The following GPHN variants were observed in gnomAD, a reference collection of about 807,000 sequenced individuals.
GPHN encodes the protein gephyrin.
A neutral mutation model predicts 95.5 loss-of-function variants in GPHN; 17 were observed. The observed-to-expected ratio is 0.18, with a 90% CI of 0.12 to 0.27. The LOEUF is 0.27. GPHN is among the 10% of genes least tolerant of loss of function. GPHN has a pLI of 1.00. For synonymous variants in GPHN, 320 were observed against 322.5 expected, an observed-to-expected ratio of 0.99 and a Z score of 0.08; for missense variants, 660 against 978.1, an observed-to-expected ratio of 0.67 and a Z score of 4.34.
the GPHN span, among the ~76,000 whole-genome samples, chr14:67,230,404 AC>A: frequency 2.0e-5 from 3 of 152,026 alleles, no homozygotes; most frequent in Admixed American, 1.3e-4. Context: ...ACAAAGTGAT[AC>A]CCTGTCTCCA....
At chr14:66,587,574 T>C (rs1032901737) in intron 1 of GPHN, among the ~76,000 whole-genome samples, 5 of 152,166 alleles carry the variant, frequency 3.3e-5, no homozygotes, top group Admixed American at 1.3e-4. Context: ...GTTCAACTTA[T>C]GCAAATCAGT....
chr14:67,439,547 TTCTTTC>T, the GPHN span, among the ~76,000 whole-genome samples: 5 of 60,254 alleles, frequency 8.3e-5, no homozygotes, highest in African/African-American at 4.9e-4. Flanking sequence ...CTTTCTTTCT[TTCTTTC>T]TTTCTTTCTT....
intron 10 of GPHN, among the ~76,000 whole-genome samples, chr14:67,047,334 T>TGTG (rs2075075353): frequency 7.3e-5 from 8 of 109,702 alleles, no homozygotes; most frequent in African/African-American, 3.0e-4. Context: ...GTGTGTGTGT[T>TGTG]TGTGTGTGTG....
rs190611597 is a variant in GPHN at position 66,897,167 on chromosome 14, T to C, written c.389+17134T>C. The stretch of plus-strand genomic sequence containing the variant: ...CCAGTGGTAACATCTTACAAAACTA[T>C]AGTACAAAATTACAGTTGGATGTTG... On this transcript the variant is annotated intron_variant, in intron 5 of 22. Coordinates refer to ENST00000478722, the MANE Select transcript of GPHN (RefSeq NM_020806.5). Among the ~76,000 whole-genome samples the C allele has an allele frequency of 1.5e-3, 232 of 152,276 alleles. 6 individuals carry two copies. Among genetic ancestry groups the C allele is most frequent in the East Asian group, 9.6e-4 (5 of 5,186 alleles).
At chr14:67,473,740 G>A in the GPHN span, 1 of 1,612,778 alleles carries the variant, frequency 6.2e-7, no homozygotes, top group Non-Finnish European at 8.5e-7. This position sits in a 1 kb window ranked among gnomAD's most constrained non-coding sequence, Gnocchi z 6.5. Context: ...AGGTACATGC[G>A]CTCCACGATG....
chr14:67,054,459 A>G (rs187775434), intron 10 of GPHN, among the ~76,000 whole-genome samples: 2 of 152,332 alleles, frequency 1.3e-5, no homozygotes, highest in African/African-American at 4.8e-5. Context: ...GAGCACACAA[A>G]CAAATGGAAA....
chr14:67,108,037 T>A (rs2078147284), intron 13 of GPHN, among the ~76,000 whole-genome samples: 1 of 152,084 alleles, frequency 6.6e-6, no homozygotes, highest in Non-Finnish European at 1.5e-5. Context: ...AAAAGGATGA[T>A]TAAAGAAGAT....
intron 1 of GPHN, among the ~76,000 whole-genome samples, chr14:66,595,805 G>T (rs945437990): frequency 2.0e-5 from 3 of 152,092 alleles, no homozygotes; most frequent in African/African-American, 7.2e-5. Flanking sequence ...CTTGTCACCT[G>T]CAACGTGGCA....
At chr14:67,070,918 C>G (rs2153657069) in intron 11 of GPHN, among the ~76,000 whole-genome samples, 1 of 151,762 alleles carries the variant, frequency 6.6e-6, no homozygotes, top group East Asian at 1.9e-4. Context: ...AAATGCAAAT[C>G]AAAACTACAA....
At chr14:66,858,328 A>G (rs1391739593) in intron 4 of GPHN, among the ~76,000 whole-genome samples, 2 of 151,890 alleles carry the variant, frequency 1.3e-5, no homozygotes, top group Admixed American at 6.6e-5. Context: ...AAACCAGCTC[A>G]GCCACAGTAG....
the GPHN span, chr14:67,578,125 C>T: frequency 8.1e-6 from 13 of 1,613,918 alleles, no homozygotes; most frequent in South Asian, 1.3e-4. This position sits in a 1 kb window ranked among gnomAD's most constrained non-coding sequence, Gnocchi z 5.0. Flanking sequence ...TCACCCCGAG[C>T]TGCAGAGTGA....
Position 66,796,379 on chromosome 14 carries a change from G to A in GPHN, c.201+19858G>A, listed in dbSNP as rs1442558363. Among the ~76,000 whole-genome samples, 7 of 151,766 alleles carry A rather than the reference G, an allele frequency of 4.6e-5. No individual in the cohort carries two copies. In the East Asian group the frequency reaches 9.6e-4, roughly 21 times the overall value. ...AATGCTACAACTAATGCTGCAGTAG[G>A]ATTTCTGGAACATATGCCAGCTTAA... is the stretch of plus-strand genomic sequence containing the variant. On this transcript the variant is annotated intron_variant, in intron 3 of 22. Transcript: ENST00000478722.
chr14:66,856,428 C>T (rs186819666), intron 4 of GPHN, among the ~76,000 whole-genome samples: 44 of 152,132 alleles, frequency 2.9e-4, no homozygotes, highest in African/African-American at 9.4e-4. Context: ...CTTGATTCCC[C>T]ATATCTGTCA....
intron 4 of GPHN, among the ~76,000 whole-genome samples, chr14:66,874,888 A>C (rs1249412347): frequency 6.6e-6 from 1 of 152,142 alleles, no homozygotes; most frequent in Non-Finnish European, 1.5e-5. Context: ...CCAGCATTCA[A>C]ATTCAGGAAA....
At chr14:67,274,307 T>C in the GPHN span, among the ~76,000 whole-genome samples, 1 of 152,222 alleles carries the variant, frequency 6.6e-6, no homozygotes, top group Non-Finnish European at 1.5e-5. Context: ...GTATAAGGTG[T>C]AAGGAAGGGA....
chr14:66,938,738 A>G (rs1426885644), intron 8 of GPHN, among the ~76,000 whole-genome samples: 1 of 152,232 alleles, frequency 6.6e-6, no homozygotes, highest in Non-Finnish European at 1.5e-5. Flanking sequence ...TAATAAGCAT[A>G]ATCTTCAGGT....
chr14:66,627,435 G>A (rs770572464), intron 1 of GPHN, among the ~76,000 whole-genome samples: 16 of 151,212 alleles, frequency 1.1e-4, no homozygotes, highest in Non-Finnish European at 2.2e-4. Flanking sequence ...TTCAACTGTT[G>A]AAGAGTATTT....
chr14:67,708,947 C>A, the GPHN span, among the ~76,000 whole-genome samples: 1 of 152,022 alleles, frequency 6.6e-6, no homozygotes, highest in African/African-American at 2.4e-5. Flanking sequence ...CATGCGCCAC[C>A]ACACCCAGCT....
At chr14:67,420,779 G>T in the GPHN span, among the ~76,000 whole-genome samples, 2 of 152,252 alleles carry the variant, frequency 1.3e-5, no homozygotes, top group Non-Finnish European at 2.9e-5. Flanking sequence ...ACCTTTCACA[G>T]TAGGGTGAAG....
Sources: allele counts gnomAD v4.1 joint callset (sites outside exome capture counted in the v4.1 genomes callset), GRCh38; gene constraint gnomAD v4.1.1; non-coding constraint Gnocchi (gnomAD v3.1); transcripts MANE v1.5; gene names NCBI Gene and HGNC (gene_info 2026-07-23, HGNC 2026-07-21).